STARD3: variants seen among roughly 807,000 people sequenced by gnomAD.
STARD3 encodes the protein StAR related lipid transfer domain containing 3, also known as stAR-related lipid transfer protein 3.
A neutral mutation model predicts 62.0 loss-of-function variants in STARD3; 39 were observed. The observed-to-expected ratio is 0.63, with a 90% CI of 0.49 to 0.82. STARD3 has a LOEUF of 0.82. STARD3 is among the 40% of genes least tolerant of loss of function. STARD3 has a pLI of 0.00. For missense variants in STARD3, 543 were observed against 584.5 expected, an observed-to-expected ratio of 0.93 and a Z score of 0.73; for synonymous variants, 229 against 242.4, an observed-to-expected ratio of 0.94 and a Z score of 0.51.
At chr17:39,644,661 C>G (rs1252321112) in intron 1 of STARD3, among the ~76,000 whole-genome samples, 1 of 134,834 alleles carries the variant, frequency 7.4e-6, no homozygotes. Context: ...CATAGTGAGA[C>G]CCTGTCTCTA....
intron 3 of STARD3, 114 bp from the exon 4 acceptor site, chr17:39,657,661 G>C: frequency 9.4e-7 from 1 of 1,068,150 alleles, no homozygotes; most frequent in Non-Finnish European, 1.4e-6. Flanking sequence ...TGTCCCCTGA[G>C]GTGTGCATGC....
intron 2 of STARD3, among the ~76,000 whole-genome samples, chr17:39,653,983 G>A (rs1381210889): frequency 6.6e-6 from 1 of 152,196 alleles, no homozygotes; most frequent in Admixed American, 6.5e-5. Flanking sequence ...TGAAGGCAAC[G>A]GCCTTGAACC....
At chr17:39,661,202 C>T (rs77181654) in intron 13 of STARD3, 117 bp downstream of exon 13, 1 of 867,486 alleles carries the variant, frequency 1.2e-6, no homozygotes, top group Non-Finnish European at 1.8e-6. Flanking sequence ...CGTTCCTGTT[C>T]CCTGTCCCGC....
chr17:39,662,134 C>T, intron 13 of STARD3, 117 bp from the exon 14 acceptor site: 1 of 897,736 alleles, frequency 1.1e-6, no homozygotes, highest in East Asian at 2.6e-5. Flanking sequence ...CTCTGCCTTT[C>T]TGCTTCCAGC....
chr17:39,647,184 C>A (rs577518867), intron 1 of STARD3, among the ~76,000 whole-genome samples: 1 of 150,726 alleles, frequency 6.6e-6, no homozygotes, highest in Non-Finnish European at 1.5e-5. Context: ...GGTGACAGAG[C>A]GAGACTCTGT....
At chr17:39,658,603 C>T (rs774553648) in intron 6 of STARD3, 81 bp downstream of exon 6, 136 of 1,566,454 alleles carry the variant, frequency 8.7e-5, no homozygotes, top group Non-Finnish European at 1.1e-4. Flanking sequence ...GAGAGTCAGT[C>T]TGAAGCATCT....
At chr17:39,642,931 C>CAAGGGGAAGAGGA (rs1345615347) in intron 1 of STARD3, among the ~76,000 whole-genome samples, 1 of 151,554 alleles carries the variant, frequency 6.6e-6, no homozygotes, top group Non-Finnish European at 1.5e-5. Context: ...GTAGAGGGCT[C>CAAGGGGAAGAGGA]AAGGGGAAGA....
intron 5 of STARD3, 90 bp from the exon 6 acceptor site, chr17:39,658,315 C>T: frequency 8.2e-7 from 1 of 1,224,868 alleles, no homozygotes; most frequent in Non-Finnish European, 1.2e-6. Flanking sequence ...GGGTGTATGC[C>T]AGTTTGGCTG....
At chr17:39,656,247 C>T (rs2057128582) in intron 2 of STARD3, among the ~76,000 whole-genome samples, 1 of 152,162 alleles carries the variant, frequency 6.6e-6, no homozygotes, top group South Asian at 2.1e-4. Flanking sequence ...CTCCTGGGCT[C>T]CATCGCCCAG....
chr17:39,652,194 A>G (rs539820987), intron 1 of STARD3, among the ~76,000 whole-genome samples: 1 of 152,214 alleles, frequency 6.6e-6, no homozygotes, highest in African/African-American at 2.4e-5. Context: ...TGGCCTCCAG[A>G]GTGGCTGCTT....
At chr17:39,643,902 A>G (rs1265526170) in intron 1 of STARD3, among the ~76,000 whole-genome samples, 1 of 152,226 alleles carries the variant, frequency 6.6e-6, no homozygotes, top group Non-Finnish European at 1.5e-5. Flanking sequence ...GGAGTAGGTG[A>G]TATTGTTAAC....
At chr17:39,646,844 G>A (rs1219382234) in intron 1 of STARD3, among the ~76,000 whole-genome samples, 1 of 152,046 alleles carries the variant, frequency 6.6e-6, no homozygotes, top group African/African-American at 2.4e-5. Context: ...TGAATAATCC[G>A]CTGTTCCCTG....
chr17:39,643,742 C>T (rs2057000589), intron 1 of STARD3, among the ~76,000 whole-genome samples: 1 of 152,196 alleles, frequency 6.6e-6, no homozygotes, highest in Non-Finnish European at 1.5e-5. Context: ...GAAGCCATCT[C>T]GCCAGTCAGT....
Position 39,662,955 on chromosome 17 carries a change from TC to T in STARD3, c.*49del, listed in dbSNP as rs2057217897. 2 of 1,558,480 alleles carry T rather than the reference TC, an allele frequency of 1.3e-6. No individual in the cohort carries two copies. The highest frequency in any genetic ancestry group is 1.8e-5 in the Admixed American group (1 of 55,706). ...GGGCCAGGGTCCTGTCGCCACCACT[TC>T]CAGAGCCAGAAAGGGTGCCAGTTGG... On this transcript the variant is annotated 3_prime_UTR_variant, in exon 15 of 15. Coordinates refer to ENST00000336308, the MANE Select transcript of STARD3 (RefSeq NM_006804.4).
At chr17:39,638,040 T>C (rs549654685) in intron 1 of STARD3, among the ~76,000 whole-genome samples, 2 of 152,298 alleles carry the variant, frequency 1.3e-5, no homozygotes, top group South Asian at 4.1e-4. Flanking sequence ...CTTGAACTGG[T>C]CTTTTCCTTG....
intron 5 of STARD3, 50 bp downstream of exon 5, chr17:39,658,076 T>C (rs1353487318): frequency 1.3e-6 from 2 of 1,535,194 alleles, no homozygotes; most frequent in South Asian, 1.2e-5. Flanking sequence ...ACCTGAGTGG[T>C]ATGCTTCTAG....
intron 1 of STARD3, among the ~76,000 whole-genome samples, chr17:39,647,488 G>A (rs983803403): frequency 6.6e-6 from 1 of 152,184 alleles, no homozygotes; most frequent in Non-Finnish European, 1.5e-5. Flanking sequence ...AGGAGGGTGG[G>A]TGTGGTGGGT....
At chr17:39,657,136 G>A (rs1005223244) in intron 3 of STARD3, 51 bp downstream of exon 3, 1 of 1,560,744 alleles carries the variant, frequency 6.4e-7, no homozygotes, top group African/African-American at 1.4e-5. Context: ...GAGGGAGCAG[G>A]GAAATGACTT....
chr17:39,647,094 G>T (rs1487111683), intron 1 of STARD3, among the ~76,000 whole-genome samples: 1 of 152,094 alleles, frequency 6.6e-6, no homozygotes, highest in Non-Finnish European at 1.5e-5. Context: ...CTCTACTTGG[G>T]AGGCTGAGGC....
Sources: allele counts gnomAD v4.1 joint callset (sites outside exome capture counted in the v4.1 genomes callset), GRCh38; gene constraint gnomAD v4.1.1; transcripts MANE v1.5; gene names NCBI Gene and HGNC (gene_info 2026-07-23, HGNC 2026-07-21).